The following FAS variants were observed in gnomAD, a reference collection of about 807,000 sequenced individuals.
FAS encodes Fas cell surface death receptor.
FAS carries 5 observed loss-of-function variants against 33.2 expected under a neutral mutation model. The ratio of observed to expected loss-of-function variants is 0.15; its 90% CI spans 0.08 to 0.32. The LOEUF (loss-of-function observed/expected upper bound fraction) is 0.32, where lower values mean the gene tolerates loss of function less well. Ranked by LOEUF, FAS falls within the 10% of genes least tolerant of loss-of-function variation. FAS has a pLI of 1.00. For synonymous variants in FAS, 131 were observed against 130.7 expected (o/e 1.00, Z -0.01); for missense variants, 339 against 386.0 (o/e 0.88, Z 1.02).
At chr10:88,995,938 C>A (rs1169889082) in intron 1 of FAS, among the ~76,000 whole-genome samples, 1 of 152,162 alleles carries the variant, frequency 6.6e-6, no homozygotes, top group Non-Finnish European at 1.5e-5. Context: ...GCAAAGTGAG[C>A]AAGCTTACTA....
chr10:88,980,250 G>A (rs975793891), intron 2 of FAS, among the ~76,000 whole-genome samples: 2 of 152,148 alleles, frequency 1.3e-5, no homozygotes, highest in African/African-American at 4.8e-5. Flanking sequence ...AGAAGTCAGG[G>A]CATGAGGTAT....
upstream of FAS, among the ~76,000 whole-genome samples, chr10:88,987,172 T>G (rs1184105910): frequency 6.6e-6 from 1 of 152,222 alleles, no homozygotes. Context: ...AATTCTTTGG[T>G]AGAAGAAGTA....
chr10:89,007,592 T>C (rs1053717214), intron 2 of FAS, 108 bp from the exon 3 acceptor site: 1 of 1,381,792 alleles, frequency 7.2e-7, no homozygotes, highest in Non-Finnish European at 1.0e-6. Flanking sequence ...CTACCCCCCC[T>C]CCCCTTGTGT....
upstream of FAS, chr10:88,990,701 G>A: frequency 1.4e-6 from 1 of 740,558 alleles, no homozygotes; most frequent in Non-Finnish European, 2.4e-6. The surrounding 1 kb of genome is among the most constrained non-coding windows in gnomAD (Gnocchi z 4.9). Context: ...TGGGGAGTGA[G>A]GGAAGCGGTT....
In FAS at chr10:89,014,247, G is replaced by A. The variant is rs779827540; in HGVS notation, c.805G>A (p.Asp269Asn). 1 of 1,613,910 alleles carries A rather than the reference G, an allele frequency of 6.2e-7. No homozygotes were observed. Among genetic ancestry groups the A allele is most frequent in the Non-Finnish European group, 8.5e-7 (1 of 1,179,926 alleles). Residue 269 changes from aspartate (D) to asparagine (N), a missense_variant, in exon 9 of 9, where the codon GAC (aspartate) becomes AAC (asparagine). Physicochemically the swap from Asp to Asn is conservative, Grantham distance 23. Transcript: ENST00000652046. ...TGAGATCAAGAATGACAATGTCCAAGACACAGCAGAACAGAAAGTTCAACT... is the reference window on the plus strand; with the variant it reads ...TGAGATCAAGAATGACAATGTCCAAAACACAGCAGAACAGAAAGTTCAACT... ...IDEIKNDNVQ[D>N]TAEQKVQLLR...
intron 2 of FAS, among the ~76,000 whole-genome samples, chr10:88,979,305 C>A (rs75384604): frequency 0.017 from 2,603 of 152,072 alleles, 81 homozygotes; most frequent in African/African-American, 0.059. Context: ...CCGGCTCTGC[C>A]GCAGGGTGCC....
At chr10:88,973,393 G>C in intron 2 of FAS, 1 of 1,393,254 alleles carries the variant, frequency 7.2e-7, no homozygotes, top group Non-Finnish European at 9.4e-7. Context: ...ATCTTTCATA[G>C]AGTTCCCGAT....
At chr10:88,978,612 C>A (rs567198103) in intron 2 of FAS, among the ~76,000 whole-genome samples, 1 of 152,130 alleles carries the variant, frequency 6.6e-6, no homozygotes, top group African/African-American at 2.4e-5. Flanking sequence ...GAAGTGACAA[C>A]CAGTCAGGCT....
Position 89,016,767 on chromosome 10 carries a change from T to G in FAS, c.*2317T>G, listed in dbSNP as rs1848822010. ...ACCCATGAGCTGCAGAAAAAAAGGCTATTTGCAGAAGGAGCTCACAGATCA... is the reference window on the plus strand; with the variant it reads ...ACCCATGAGCTGCAGAAAAAAAGGCGATTTGCAGAAGGAGCTCACAGATCA... On this transcript the variant is annotated 3_prime_UTR_variant, in exon 9 of 9. Coordinates refer to ENST00000652046, the MANE Select transcript of FAS (RefSeq NM_000043.6). 1 of 222,188 alleles carries G rather than the reference T, an allele frequency of 4.5e-6. No individual in the cohort carries two copies. The highest frequency in any genetic ancestry group is 1.8e-4 in the South Asian group (1 of 5,452). The allele number at this position is 222,188 out of a possible 1,614,324, so 13.8% of individuals were successfully genotyped here.
At chr10:89,010,300 C>T (rs1301460625) in intron 4 of FAS, among the ~76,000 whole-genome samples, 2 of 149,304 alleles carry the variant, frequency 1.3e-5, no homozygotes, top group Non-Finnish European at 3.0e-5. Flanking sequence ...ATTTTCCTAT[C>T]TTCCTTTAAC....
chr10:88,993,817 A>C (rs1269659895), intron 1 of FAS, among the ~76,000 whole-genome samples: 2 of 152,142 alleles, frequency 1.3e-5, no homozygotes, highest in African/African-American at 4.8e-5. Context: ...TTTCATTTTT[A>C]ATGGGCCATA....
In FAS at chr10:89,011,218, C is replaced by T. The variant is rs149811629; in HGVS notation, c.568+403C>T. On this transcript the variant is annotated intron_variant, in intron 6 of 8. Coordinates refer to ENST00000652046, the MANE Select transcript of FAS (RefSeq NM_000043.6). ...TTGTACTTCACTGCCTCCTCTTCCT[C>T]GGCCTAATTGCTTGTTTTTAATTAT... Among the ~76,000 whole-genome samples the T allele has an allele frequency of 4.0e-3, 615 of 152,286 alleles. 13 individuals carry two copies. Among genetic ancestry groups the T allele is most frequent in the Non-Finnish European group, 9.8e-4 (67 of 68,028 alleles).
chr10:88,994,750 T>C (rs1258686987), intron 1 of FAS, among the ~76,000 whole-genome samples: 1 of 151,828 alleles, frequency 6.6e-6, no homozygotes, highest in Non-Finnish European at 1.5e-5. Context: ...TTATCTCATA[T>C]TTTTTATTGG....
chr10:88,980,416 T>TA (rs1229718477), intron 2 of FAS, among the ~76,000 whole-genome samples: 3 of 151,994 alleles, frequency 2.0e-5, no homozygotes, highest in Admixed American at 2.0e-4. Flanking sequence ...CAGGGATAAA[T>TA]AAGAGCCAGA....
At chr10:88,972,034 A>G (rs549449822) in intron 1 of FAS, among the ~76,000 whole-genome samples, 1 of 151,746 alleles carries the variant, frequency 6.6e-6, no homozygotes, top group East Asian at 1.9e-4. Flanking sequence ...TCAGTCTCCT[A>G]AGGAGCTGGG....
At chr10:88,966,692 T>C (rs1363184640) in intron 1 of FAS, among the ~76,000 whole-genome samples, 1 of 152,156 alleles carries the variant, frequency 6.6e-6, no homozygotes, top group Non-Finnish European at 1.5e-5. Context: ...CACCTGCATA[T>C]CAGTTTCCTC....
In FAS at chr10:88,990,907, G is replaced by A; in HGVS notation, c.30+1G>A. On this transcript the variant is annotated splice_donor_variant, in intron 1 of 8. Coordinates refer to ENST00000652046, the MANE Select transcript of FAS (RefSeq NM_000043.6). LOFTEE classifies it high-confidence loss of function. The surrounding 1 kb of genome is among the most constrained non-coding windows in gnomAD (Gnocchi z 4.9). The stretch of plus-strand genomic sequence containing the variant: ...GGGCATCTGGACCCTCCTACCTCTG[G>A]TGAGCCCTCTCCTGCCCGGGTGGAG... The A allele has an allele frequency of 6.2e-7, 1 of 1,614,190 alleles. No homozygotes were observed. The highest frequency in any genetic ancestry group is 8.5e-7 in the Non-Finnish European group (1 of 1,180,026).
chr10:89,003,244 G>C (rs773303850), intron 2 of FAS, 50 bp downstream of exon 2: 3 of 1,595,560 alleles, frequency 1.9e-6, no homozygotes, highest in Non-Finnish European at 2.6e-6. Context: ...ACAGTTAGGA[G>C]TAGCACATAG....
rs1848817696 is a variant in FAS at position 89,016,653 on chromosome 10, G to A, written c.*2203G>A. ...AGCACAGCCACATTCCCGAGTTGAG[G>A]TGACCCCACGGTCCAGAATCATCCT... On this transcript the variant is annotated 3_prime_UTR_variant, in exon 9 of 9. Transcript: ENST00000652046. The A allele has an allele frequency of 1.3e-5, 3 of 222,992 alleles. No individual in the cohort carries two copies. The highest frequency in any genetic ancestry group is 1.8e-4 in the South Asian group (1 of 5,430). 13.8% of individuals were successfully genotyped at this position (222,992 alleles called of 1,614,324 possible).
Sources: gnomAD v4.1 joint callset for allele counts (sites outside exome capture counted in the v4.1 genomes callset) on GRCh38, gnomAD v4.1.1 for gene constraint, Gnocchi (gnomAD v3.1) non-coding constraint, MANE v1.5 for transcripts, NCBI Gene and HGNC (gene_info 2026-07-23, HGNC 2026-07-21) for gene names.